ZNF536: variants seen among roughly 807,000 people sequenced by gnomAD.
ZNF536 encodes zinc finger protein 536.
ZNF536 carries 13 observed loss-of-function variants against 84.5 expected under a neutral mutation model. The ratio of observed to expected loss-of-function variants is 0.15; its 90% CI spans 0.10 to 0.24. ZNF536 has a LOEUF of 0.24. ZNF536 is among the 10% of genes least tolerant of loss of function. ZNF536 has a pLI of 1.00. For synonymous variants in ZNF536, 811 were observed against 742.5 expected (o/e 1.09, Z -1.50); for missense variants, 1,536 against 1,747.5 (o/e 0.88, Z 2.16).
At chr19:30,313,245 C>G (rs1204696032) in intron 2 of ZNF536, among the ~76,000 whole-genome samples, 1 of 152,228 alleles carries the variant, frequency 6.6e-6, no homozygotes, top group Non-Finnish European at 1.5e-5. Flanking sequence ...AGGTAGCTCC[C>G]TGTCCAGGCG....
chr19:30,478,950 C>T (rs541928881), intron 2 of ZNF536, among the ~76,000 whole-genome samples: 4 of 152,296 alleles, frequency 2.6e-5, no homozygotes, highest in South Asian at 2.1e-4. Context: ...TTTTGCCTGT[C>T]TGGGGACCAC....
chr19:30,469,288 T>C (rs1392120451), intron 2 of ZNF536, among the ~76,000 whole-genome samples: 2 of 152,034 alleles, frequency 1.3e-5, no homozygotes, highest in African/African-American at 4.8e-5. Context: ...GTGGTGGGCC[T>C]GTAGTCCCAG....
intron 1 of ZNF536, among the ~76,000 whole-genome samples, chr19:30,419,379 G>C (rs1347774515): frequency 2.0e-5 from 3 of 152,128 alleles, no homozygotes; most frequent in Non-Finnish European, 4.4e-5. Context: ...GGAAAACTGA[G>C]TCATAGTTTA....
Position 30,440,772 on chromosome 19 carries a change from A to C in ZNF536, c.-2-2789A>C, listed in dbSNP as rs372620150. ...AGAATAAGAACAGAGCCAACTATGA[A>C]AGAGCCGGGGCAGCATGCATGTTCT... On this transcript the variant is annotated intron_variant, in intron 1 of 4. Transcript: ENST00000355537. 1.2e-4 allele frequency among the ~76,000 whole-genome samples: 18 copies of C among 152,226 alleles called. No homozygotes were observed. The South Asian group carries it at 3.1e-3, about 26-fold the overall frequency.
At chr19:30,226,136 TC>T (rs2022597665), upstream of ZNF536, among the ~76,000 whole-genome samples, 2 of 147,196 alleles carry the variant, frequency 1.4e-5, no homozygotes, top group African/African-American at 5.1e-5. The surrounding 1 kb of genome is among the most constrained non-coding windows in gnomAD (Gnocchi z 4.6). Context: ...CGCGTCCAGC[TC>T]CGGGGACCCG....
intron 1 of ZNF536, among the ~76,000 whole-genome samples, chr19:30,410,661 G>C (rs865895851): frequency 1.3e-5 from 2 of 151,992 alleles, no homozygotes; most frequent in African/African-American, 4.8e-5. Context: ...GTGTTTTTTA[G>C]TAGAGACGGG....
intron 1 of ZNF536, among the ~76,000 whole-genome samples, chr19:30,635,846 C>T (rs1316547850): frequency 6.6e-5 from 10 of 152,172 alleles, no homozygotes; most frequent in Non-Finnish European, 1.2e-4. Flanking sequence ...CAGGACACTG[C>T]GGAGAGCGCT....
At chr19:30,540,883 G>A (rs2045301347) in intron 3 of ZNF536, among the ~76,000 whole-genome samples, 1 of 152,236 alleles carries the variant, frequency 6.6e-6, no homozygotes, top group Non-Finnish European at 1.5e-5. Context: ...GTGCACCCCA[G>A]CTCCTCCTTG....
chr19:30,227,797 T>A (rs2022703419), upstream of ZNF536, among the ~76,000 whole-genome samples: 1 of 151,648 alleles, frequency 6.6e-6, no homozygotes, highest in African/African-American at 2.4e-5. Context: ...AGGGGCCGCG[T>A]TTGCTGAGCG....
At chr19:30,395,402 A>G (rs1186450167) in intron 1 of ZNF536, among the ~76,000 whole-genome samples, 1 of 152,202 alleles carries the variant, frequency 6.6e-6, no homozygotes, top group Non-Finnish European at 1.5e-5. Flanking sequence ...TTTAACGTTA[A>G]AACCCAGCCC....
chr19:30,409,966 A>T (rs1251269508), intron 1 of ZNF536, among the ~76,000 whole-genome samples: 3 of 148,406 alleles, frequency 2.0e-5, no homozygotes, highest in Non-Finnish European at 4.5e-5. Flanking sequence ...GGGTATTTGA[A>T]TTTTTTTTTT....
Position 30,548,885 on chromosome 19 carries a change from G to T in ZNF536, c.3266G>T (p.Gly1089Val). 1 of 1,614,178 alleles carries T rather than the reference G, an allele frequency of 6.2e-7. No homozygotes were observed. The highest frequency in any genetic ancestry group is 2.2e-5 in the East Asian group (1 of 44,860). The change falls in exon 4 of 5, where the codon GGA becomes GTA. Residue 1089 changes from glycine (G) to valine (V), a missense_variant. Physicochemically the swap from Gly to Val is moderately radical, Grantham distance 109 (BLOSUM62 -3). Transcript: ENST00000355537. Reference sequence around the variant, plus strand: ...CAAGGTCAGCTCAAGGAGACTCTGGGAGAGCAGAAGAGCGGTGCATGGACC... The same window carrying T: ...CAAGGTCAGCTCAAGGAGACTCTGGTAGAGCAGAAGAGCGGTGCATGGACC... ...MAQGQLKETLGEQKSGAWTGH... is the reference protein window; with the variant it reads ...MAQGQLKETLVEQKSGAWTGH...
At chr19:30,505,014 A>G (rs1207924161) in intron 2 of ZNF536, among the ~76,000 whole-genome samples, 1 of 152,026 alleles carries the variant, frequency 6.6e-6, no homozygotes, top group East Asian at 1.9e-4. Flanking sequence ...CTCCAACCCA[A>G]CAACTTATGA....
At chr19:30,244,236 C>G (rs1012630958) in intron 1 of ZNF536, among the ~76,000 whole-genome samples, 1 of 152,146 alleles carries the variant, frequency 6.6e-6, no homozygotes, top group African/African-American at 2.4e-5. Context: ...TTGTAACACT[C>G]CTTTCCACCT....
At chr19:30,269,166 G>A (rs900690405) in intron 1 of ZNF536, among the ~76,000 whole-genome samples, 3 of 152,186 alleles carry the variant, frequency 2.0e-5, no homozygotes, top group Non-Finnish European at 2.9e-5. Flanking sequence ...TTCTTTTGGC[G>A]AGTGTGTTGA....
At chr19:30,597,476 T>C (rs1432301486) in intron 1 of ZNF536, among the ~76,000 whole-genome samples, 1 of 152,130 alleles carries the variant, frequency 6.6e-6, no homozygotes, top group African/African-American at 2.4e-5. Flanking sequence ...ATCACAGAAG[T>C]CAGCCTATAG....
At chr19:30,699,588 C>T (rs1330059122) in intron 1 of ZNF536, among the ~76,000 whole-genome samples, 2 of 152,084 alleles carry the variant, frequency 1.3e-5, no homozygotes, top group Non-Finnish European at 2.9e-5. Flanking sequence ...GAATCATTCT[C>T]GCCTATTTGG....
At chr19:30,407,812 G>A (rs973605187) in intron 1 of ZNF536, among the ~76,000 whole-genome samples, 1 of 152,268 alleles carries the variant, frequency 6.6e-6, no homozygotes, top group East Asian at 1.9e-4. Flanking sequence ...AAAAACAATT[G>A]CATGACTCTA....
chr19:30,261,297 C>CAAAA (rs66862950), intron 1 of ZNF536, among the ~76,000 whole-genome samples: 4 of 23,576 alleles, frequency 1.7e-4, no homozygotes, highest in East Asian at 1.3e-3. Flanking sequence ...GACTCCGTCT[C>CAAAA]AAAAAAAAAA....
Sources: gnomAD v4.1 joint callset for allele counts (sites outside exome capture counted in the v4.1 genomes callset) on GRCh38, gnomAD v4.1.1 for gene constraint, Gnocchi (gnomAD v3.1) non-coding constraint, MANE v1.5 for transcripts, NCBI Gene and HGNC (gene_info 2026-07-23, HGNC 2026-07-21) for gene names.